Variants in RABL6 observed in about 807,000 individuals in gnomAD.
RABL6 encodes RAB, member RAS oncogene family like 6.
In RABL6, 28 loss-of-function variants were observed where a neutral mutation model predicts 72.9. That is an observed-to-expected ratio of 0.38 (90% CI 0.28 to 0.53). The LOEUF (loss-of-function observed/expected upper bound fraction) is 0.53, where lower values mean the gene tolerates loss of function less well. RABL6 is among the 20% of genes least tolerant of loss of function. RABL6 has a pLI of 0.80. For synonymous variants in RABL6, 477 were observed against 421.2 expected (o/e 1.13, Z -1.62); for missense variants, 1,029 against 1,008.4 (o/e 1.02, Z -0.28).
rs1303149977 is a variant in RABL6, at chr9:136,840,499, G to A, written c.2167G>A (p.Gly723Ser). ...GGCCCCGGGCGGCCGCCACCCTGGG[G>A]GTGGCGACTACGAGGAGCTCTAGGC... Reference protein sequence around the residue: ...GGAPGGRHPGGGDYEEL With the variant: ...GGAPGGRHPGSGDYEEL Residue 723 changes from glycine to serine, a missense_variant, in exon 15 of 15, where the codon GGT becomes AGT. Around this residue, in one of 2 missense-constraint regions of RABL6, gnomAD observed 595 missense variants for 472.4 expected, o/e 1.26. Coordinates refer to ENST00000311502, the MANE Select transcript of RABL6 (RefSeq NM_024718.5). 6.5e-7 allele frequency: 1 copy of A among 1,529,968 alleles called. No individual in the cohort carries two copies. Among genetic ancestry groups the A allele is most frequent in the South Asian group, 1.2e-5 (1 of 81,820 alleles). 94.8% of individuals were successfully genotyped at this position (1,529,968 alleles called of 1,614,324 possible). A position where few individuals can be genotyped will look rare whatever the true frequency, so the allele number is the denominator to read the frequency against.
chr9:136,823,947 ACATTCCGAGGAG>A (rs1848297031), intron 2 of RABL6, among the ~76,000 whole-genome samples: 1 of 152,266 alleles, frequency 6.6e-6, no homozygotes, highest in Admixed American at 6.5e-5. Flanking sequence ...GAAAAGAGGT[ACATTCCGAGGAG>A]CATTCCCTTG....
chr9:136,813,492 A>G (rs1317332805), intron 1 of RABL6: 1 of 468,486 alleles, frequency 2.1e-6, no homozygotes, highest in Non-Finnish European at 3.9e-6. Flanking sequence ...TCGGCCATCC[A>G]TCTCTGTTCC....
intron 1 of RABL6, chr9:136,814,209 G>A (rs974287987): frequency 7.8e-6 from 2 of 256,994 alleles, no homozygotes; most frequent in South Asian, 4.0e-5. Context: ...TTTCTTTTTC[G>A]AGACAGGGTC....
chr9:136,839,261 TCCCACGAGGACCGCAGCAC>T lies in RABL6; in HGVS notation c.1537_1555del (p.Thr513ProfsTer80). ...CTTCGAAGCCACGGAGGGGGACAGCTCCCACGAGGACCGCAGCACCCCCCTGGCCAGGCGGTGTCTCTGT... is the reference window on the plus strand; with the variant it reads ...CTTCGAAGCCACGGAGGGGGACAGCTCCCCCTGGCCAGGCGGTGTCTCTGT... On this transcript the variant is annotated frameshift_variant, in exon 12 of 15. Coordinates refer to ENST00000311502, the MANE Select transcript of RABL6 (RefSeq NM_024718.5). LOFTEE classifies it high-confidence loss of function. 1 of 1,606,202 alleles carries T rather than the reference TCCCACGAGGACCGCAGCAC, an allele frequency of 6.2e-7. No individual in the cohort carries two copies. Among genetic ancestry groups the T allele is most frequent in the South Asian group, 1.1e-5 (1 of 90,202 alleles).
rs1244111423 is a variant in RABL6, at chr9:136,813,283, C to T, written c.130+4957C>T. 5.0e-6 allele frequency: 3 copies of T among 595,126 alleles called. No homozygotes were observed. The Admixed American group carries it at 7.5e-5, about 15-fold the overall frequency. The allele number at this position is 595,126 out of a possible 1,614,324, so 36.9% of individuals were successfully genotyped here. ...CTTCAAATGAAGCGAACTGTAAGTG[C>T]ATGCACACCCTTTAGATTTGCCATT... On this transcript the variant is annotated intron_variant, in intron 1 of 14. Transcript: ENST00000311502.
chr9:136,818,503 G>T (rs1174245336), intron 1 of RABL6, among the ~76,000 whole-genome samples: 10 of 151,902 alleles, frequency 6.6e-5, no homozygotes, highest in Admixed American at 5.9e-4. Flanking sequence ...CAACACTTTG[G>T]GAGGCCAAGG....
chr9:136,832,680 G>A (rs1858486299), intron 7 of RABL6: 1 of 401,290 alleles, frequency 2.5e-6, no homozygotes, highest in Non-Finnish European at 4.7e-6. Flanking sequence ...GGCCCAGGCT[G>A]GAGTGCAGTG....
At chr9:136,823,228 G>A (rs1329889391) in intron 1 of RABL6, among the ~76,000 whole-genome samples, 2 of 151,648 alleles carry the variant, frequency 1.3e-5, no homozygotes, top group African/African-American at 4.9e-5. Flanking sequence ...GTGGGCTCTA[G>A]GGCAGAACCA....
At position 136,839,074 on chromosome 9, in the gene RABL6, A is replaced by G; in HGVS notation, c.1446A>G (p.Lys482=). 6.2e-7 allele frequency: 1 copy of G among 1,612,372 alleles called. No homozygotes were observed. The highest frequency in any genetic ancestry group is 8.5e-7 in the Non-Finnish European group (1 of 1,179,782). The change falls in exon 11 of 15, where the codon AAA becomes AAG. Residue 482 remains lysine, a synonymous_variant. Transcript: ENST00000311502. The part of the protein sequence containing the change: ...EEEAEVAAPT[K]GPAPAPQQCS... Reference sequence around the variant, plus strand: ...AAGCAGAAGTGGCAGCTCCCACAAAAGGCCCTGCCCCAGCTCCCCAGCAGT... The same window carrying G: ...AAGCAGAAGTGGCAGCTCCCACAAAGGGCCCTGCCCCAGCTCCCCAGCAGT...
chr9:136,833,754 C>T lies in RABL6; in HGVS notation c.705+1384C>T, dbSNP rs774129497. On this transcript the variant is annotated intron_variant, in intron 7 of 14. Coordinates refer to ENST00000311502, the MANE Select transcript of RABL6 (RefSeq NM_024718.5). Reference sequence around the variant, plus strand: ...AGGCTTGCCCAGGAAAGGGGCTGTGCTGTCGTCCTGGTGTCAGAAGAAGTG... The same window carrying T: ...AGGCTTGCCCAGGAAAGGGGCTGTGTTGTCGTCCTGGTGTCAGAAGAAGTG... 10 of 1,550,488 alleles carry T rather than the reference C, an allele frequency of 6.4e-6. 1 individual carries two copies. The South Asian group carries it at 9.5e-5, about 15-fold the overall frequency.
intron 7 of RABL6, among the ~76,000 whole-genome samples, chr9:136,834,960 A>G (rs1296257910): frequency 2.6e-5 from 4 of 151,674 alleles, no homozygotes; most frequent in African/African-American, 9.7e-5. Context: ...AATCTCTGAA[A>G]AAGATGATTC....
At chr9:136,824,324 G>C (rs1281315311) in intron 2 of RABL6, among the ~76,000 whole-genome samples, 2 of 129,266 alleles carry the variant, frequency 1.5e-5, no homozygotes, top group Admixed American at 8.8e-5. Flanking sequence ...TGGTTTGGTT[G>C]GGTTTTTTTT....
chr9:136,821,913 C>T (rs936934327), intron 1 of RABL6: 6 of 1,284,976 alleles, frequency 4.7e-6, no homozygotes, highest in Admixed American at 2.3e-5. Context: ...CGTGAGGGCG[C>T]CTGGGTCCCC....
chr9:136,828,092 A>T (rs939188735), intron 3 of RABL6: 3 of 173,054 alleles, frequency 1.7e-5, no homozygotes, highest in African/African-American at 7.1e-5. Flanking sequence ...CTTTTACCCC[A>T]GGGGGAGGCC....
In RABL6 at chr9:136,839,250, A is replaced by G; in HGVS notation, c.1522A>G (p.Arg508Gly). ...CTCCATACCAGCTTCGAAGCCACGG[A>G]GGGGGACAGCTCCCACGAGGACCGC... ...WSSIPASKPRRGTAPTRTAAP... is the reference protein window; with the variant it reads ...WSSIPASKPRGGTAPTRTAAP... The change falls in exon 12 of 15, where the codon AGG becomes GGG. Residue 508 changes from arginine to glycine, a missense_variant. This residue lies in a region of RABL6 where 595 missense variants were observed against 472.4 expected (regional missense o/e 1.26). Coordinates refer to ENST00000311502, the MANE Select transcript of RABL6 (RefSeq NM_024718.5). 1 of 1,604,394 alleles carries G rather than the reference A, an allele frequency of 6.2e-7. No homozygotes were observed.
At chr9:136,832,153 A>T in intron 6 of RABL6, 112 bp from the exon 7 acceptor site, 1 of 1,066,192 alleles carries the variant, frequency 9.4e-7, no homozygotes, top group Non-Finnish European at 1.4e-6. Context: ...TGGCCTCAGG[A>T]GCCTGCAGGA....
At chr9:136,819,356 G>T (rs1231544511) in intron 1 of RABL6, among the ~76,000 whole-genome samples, 2 of 151,060 alleles carry the variant, frequency 1.3e-5, no homozygotes, top group East Asian at 3.9e-4. Flanking sequence ...AAACCACCTT[G>T]TCCAGCTTTA....
rs1357359353 is a variant in RABL6 at position 136,841,067 on chromosome 9, G to GGTT, written c.*548_*550dup. The stretch of plus-strand genomic sequence containing the variant: ...ATGTGAGGCCTCTCCTGGGAGTGGG[G>GGTT]GTTGTGTTTCCCACAGTGGCCTCAG... On this transcript the variant is annotated 3_prime_UTR_variant, in exon 15 of 15. Transcript: ENST00000311502. 1.4e-6 allele frequency: 2 copies of GGTT among 1,413,434 alleles called. No individual in the cohort carries two copies. Among genetic ancestry groups the GGTT allele is most frequent in the African/African-American group, 2.9e-5 (2 of 68,958 alleles). 87.6% of individuals were successfully genotyped at this position (1,413,434 alleles called of 1,614,324 possible). A position where few individuals can be genotyped will look rare whatever the true frequency, so the allele number is the denominator to read the frequency against.
chr9:136,838,701 A>G (rs1461881720), intron 10 of RABL6, among the ~76,000 whole-genome samples: 1 of 152,246 alleles, frequency 6.6e-6, no homozygotes, highest in Non-Finnish European at 1.5e-5. Flanking sequence ...GCCGCAGGGC[A>G]GCACTGTGTC....
Sources: gnomAD v4.1 joint callset for allele counts (sites outside exome capture counted in the v4.1 genomes callset) on GRCh38, gnomAD v4.1.1 for gene constraint, gnomAD v4.1.1 regional missense constraint, MANE v1.5 for transcripts, NCBI Gene and HGNC (gene_info 2026-07-23, HGNC 2026-07-21) for gene names.